The following SUGCT variants were observed in gnomAD, a reference collection of about 807,000 sequenced individuals.
The protein encoded by SUGCT is succinyl-CoA:glutarate-CoA transferase.
A neutral mutation model predicts 55.0 loss-of-function variants in SUGCT; 41 were observed. The ratio of observed to expected loss-of-function variants is 0.74; its 90% CI spans 0.58 to 0.97. The LOEUF (loss-of-function observed/expected upper bound fraction) is 0.97. SUGCT is among the 50% of genes least tolerant of loss of function. The probability of loss-of-function intolerance (pLI) is 0.00; values close to 1 mark genes in which losing one functional copy is unlikely to be tolerated. For missense variants in SUGCT, 568 were observed against 547.8 expected (o/e 1.04, Z -0.37); for synonymous variants, 187 against 200.4 (o/e 0.93, Z 0.56).
the SUGCT span, among the ~76,000 whole-genome samples, chr7:40,971,609 G>A: frequency 6.6e-6 from 1 of 152,168 alleles, no homozygotes. Context: ...CAGACATTGA[G>A]TGAGAGTGTT....
chr7:40,293,357 C>T (rs567045030), intron 8 of SUGCT, among the ~76,000 whole-genome samples: 1 of 152,270 alleles, frequency 6.6e-6, no homozygotes, highest in East Asian at 1.9e-4. Flanking sequence ...TTGGAATCAC[C>T]TGTGGAGTTT....
At chr7:40,655,165 G>C (rs1800957759) in intron 12 of SUGCT, among the ~76,000 whole-genome samples, 1 of 152,032 alleles carries the variant, frequency 6.6e-6, no homozygotes, top group East Asian at 1.9e-4. Flanking sequence ...GCGGTGGCGT[G>C]TGCCTTTAGT....
At chr7:40,766,083 A>T (rs1449944983) in intron 13 of SUGCT, among the ~76,000 whole-genome samples, 1 of 152,222 alleles carries the variant, frequency 6.6e-6, no homozygotes, top group Non-Finnish European at 1.5e-5. Context: ...ATAATTTTTT[A>T]TACTTGAATT....
At chr7:40,747,156 C>T (rs1322577257) in intron 12 of SUGCT, among the ~76,000 whole-genome samples, 2 of 152,138 alleles carry the variant, frequency 1.3e-5, no homozygotes, top group Non-Finnish European at 2.9e-5. Flanking sequence ...TGAGTACAAA[C>T]CTGGTGATCC....
chr7:40,445,692 A>C (rs1009024091), intron 9 of SUGCT, among the ~76,000 whole-genome samples: 3 of 152,124 alleles, frequency 2.0e-5, no homozygotes, highest in Non-Finnish European at 4.4e-5. Flanking sequence ...GAGACACAAC[A>C]AAAAAAGAGA....
the SUGCT span, among the ~76,000 whole-genome samples, chr7:41,009,606 T>TCCTTCCTTCCATCCACCATCCAC: frequency 2.0e-5 from 3 of 151,562 alleles, no homozygotes; most frequent in African/African-American, 7.3e-5. Flanking sequence ...CTACCATCCA[T>TCCTTCCTTCCATCCACCATCCAC]CCTTCCTTCC....
At chr7:40,377,414 TGTATTTTTA>T (rs1319530286) in intron 9 of SUGCT, among the ~76,000 whole-genome samples, 11 of 150,972 alleles carry the variant, frequency 7.3e-5, no homozygotes, top group Non-Finnish European at 1.3e-4. Flanking sequence ...AGCTAATTTT[TGTATTTTTA>T]GTATAGATGG....
chr7:40,976,825 T>G, the SUGCT span, among the ~76,000 whole-genome samples: 1 of 152,242 alleles, frequency 6.6e-6, no homozygotes, highest in African/African-American at 2.4e-5. Context: ...TCAAATGAGC[T>G]GCACACTACC....
At chr7:40,762,125 G>A (rs983131275) in intron 13 of SUGCT, among the ~76,000 whole-genome samples, 5 of 152,214 alleles carry the variant, frequency 3.3e-5, no homozygotes, top group South Asian at 2.1e-4. Context: ...TAACACTGAC[G>A]TGCAGATCAG....
At chr7:40,355,111 T>C (rs1473157605) in intron 9 of SUGCT, among the ~76,000 whole-genome samples, 1 of 152,158 alleles carries the variant, frequency 6.6e-6, no homozygotes, top group Admixed American at 6.5e-5. Flanking sequence ...GACTCTAATC[T>C]CTAGGCCACC....
At chr7:40,565,966 A>C (rs1464342642) in intron 12 of SUGCT, among the ~76,000 whole-genome samples, 1 of 139,162 alleles carries the variant, frequency 7.2e-6, no homozygotes, top group Non-Finnish European at 1.5e-5. Flanking sequence ...CACCTGGCAT[A>C]TCACACACAC....
intron 1 of SUGCT, among the ~76,000 whole-genome samples, chr7:40,156,526 G>A (rs957001158): frequency 6.6e-6 from 1 of 152,028 alleles, no homozygotes; most frequent in Non-Finnish European, 1.5e-5. Flanking sequence ...CAATATATGA[G>A]CAAATGGGCT....
chr7:40,261,340 G>C (rs1237477314), intron 7 of SUGCT, among the ~76,000 whole-genome samples: 1 of 152,152 alleles, frequency 6.6e-6, no homozygotes, highest in Non-Finnish European at 1.5e-5. Flanking sequence ...ATAGGTCCGG[G>C]TCACACAGTT....
intron 12 of SUGCT, among the ~76,000 whole-genome samples, chr7:40,524,307 A>G (rs1793698628): frequency 6.6e-6 from 1 of 152,140 alleles, no homozygotes; most frequent in South Asian, 2.1e-4. Flanking sequence ...ATTGTTGGCA[A>G]AGAATGCCTG....
intron 9 of SUGCT, among the ~76,000 whole-genome samples, chr7:40,369,121 A>G (rs533524638): frequency 6.6e-6 from 1 of 151,562 alleles, no homozygotes; most frequent in African/African-American, 2.4e-5. Context: ...AAAAAAAATT[A>G]TAACTTTTGA....
chr7:40,406,266 T>G (rs1786366008), intron 9 of SUGCT, among the ~76,000 whole-genome samples: 1 of 152,088 alleles, frequency 6.6e-6, no homozygotes, highest in Non-Finnish European at 1.5e-5. Context: ...AATACCAATC[T>G]TAGGTTTGAC....
chr7:40,686,649 C>G (rs1784481575), intron 12 of SUGCT, among the ~76,000 whole-genome samples: 2 of 152,138 alleles, frequency 1.3e-5, no homozygotes, highest in Non-Finnish European at 2.9e-5. Flanking sequence ...TCTACACATC[C>G]ATTCTCTTGG....
chr7:40,220,978 T>C (rs1787985780), intron 6 of SUGCT, among the ~76,000 whole-genome samples: 1 of 152,230 alleles, frequency 6.6e-6, no homozygotes, highest in African/African-American at 2.4e-5. Context: ...GTTTTAGCTT[T>C]TTAGAGTCAG....
At chr7:40,732,313 C>G (rs995647857) in intron 12 of SUGCT, among the ~76,000 whole-genome samples, 3 of 152,152 alleles carry the variant, frequency 2.0e-5, no homozygotes, top group Admixed American at 2.0e-4. Flanking sequence ...TATGAGAACA[C>G]TTGGTGATGG....
Sources: allele counts gnomAD v4.1 joint callset (sites outside exome capture counted in the v4.1 genomes callset), GRCh38; gene constraint gnomAD v4.1.1; transcripts MANE v1.5; gene names NCBI Gene and HGNC (gene_info 2026-07-23, HGNC 2026-07-21).